Variants in ADCY3 observed in about 807,000 individuals in gnomAD.
ADCY3 encodes the protein adenylate cyclase 3, also known as adenylate cyclase type 3.
ADCY3 carries 70 observed loss-of-function variants against 119.4 expected under a neutral mutation model. The ratio of observed to expected loss-of-function variants is 0.59; its 90% CI spans 0.48 to 0.72. ADCY3 has a LOEUF of 0.72. Among genes scored for constraint, ADCY3 ranks in the 30% least tolerant of loss-of-function variants. The probability of loss-of-function intolerance (pLI) is 0.00; values close to 1 mark genes in which losing one functional copy is unlikely to be tolerated. For synonymous variants in ADCY3, 672 were observed against 621.4 expected (o/e 1.08, Z -1.21); for missense variants, 1,238 against 1,541.6 (o/e 0.80, Z 3.30).
At chr2:24,829,546 GA>G (rs1371195580) in intron 13 of ADCY3, among the ~76,000 whole-genome samples, 1 of 149,518 alleles carries the variant, frequency 6.7e-6, no homozygotes, top group Admixed American at 6.8e-5. Context: ...TCAGCCTCCT[GA>G]GTAGCTGGGA....
At chr2:24,903,669 C>G (rs140980670) in intron 2 of ADCY3, among the ~76,000 whole-genome samples, 2 of 151,580 alleles carry the variant, frequency 1.3e-5, no homozygotes, top group Non-Finnish European at 2.9e-5. Context: ...ATTAGGCCAT[C>G]GTGAAGGGAA....
intron 3 of ADCY3, among the ~76,000 whole-genome samples, chr2:24,870,779 G>A (rs1674895390): frequency 1.3e-5 from 2 of 152,204 alleles, no homozygotes; most frequent in South Asian, 4.1e-4. Context: ...ATGGCCCCGT[G>A]CACTCGGCCT....
chr2:24,824,321 A>G, intron 17 of ADCY3, 57 bp downstream of exon 17: 3 of 1,589,154 alleles, frequency 1.9e-6, no homozygotes, highest in Non-Finnish European at 1.7e-6. Flanking sequence ...TGCCTGAAAG[A>G]AAGAACAGAT....
intron 15 of ADCY3, among the ~76,000 whole-genome samples, chr2:24,827,294 C>T (rs1000708058): frequency 4.6e-5 from 7 of 152,162 alleles, no homozygotes; most frequent in Non-Finnish European, 8.8e-5. Context: ...GTCTTCCTCC[C>T]TCCTCATTTT....
intron 2 of ADCY3, among the ~76,000 whole-genome samples, chr2:24,897,475 C>T (rs1050430880): frequency 2.6e-5 from 4 of 152,166 alleles, no homozygotes; most frequent in African/African-American, 9.7e-5. Flanking sequence ...GCCTGTGTGT[C>T]CCTGAGAAAG....
At chr2:24,901,236 C>T (rs888372123) in intron 2 of ADCY3, among the ~76,000 whole-genome samples, 2 of 152,136 alleles carry the variant, frequency 1.3e-5, no homozygotes, top group African/African-American at 4.8e-5. Flanking sequence ...TTACACGTGC[C>T]GCAGGCAAGC....
intron 2 of ADCY3, among the ~76,000 whole-genome samples, chr2:24,915,961 TCA>T (rs1434751218): frequency 1.3e-5 from 2 of 152,118 alleles, no homozygotes; most frequent in East Asian, 3.9e-4. Flanking sequence ...AACCAGTGAC[TCA>T]GAAGCTTCTG....
At chr2:24,901,667 G>T (rs1678909352) in intron 2 of ADCY3, among the ~76,000 whole-genome samples, 1 of 151,960 alleles carries the variant, frequency 6.6e-6, no homozygotes, top group Non-Finnish European at 1.5e-5. Context: ...GGCCATAGGA[G>T]GGGGTGGTGG....
chr2:24,825,953 T>G, intron 16 of ADCY3, 92 bp downstream of exon 16: 8 of 1,258,410 alleles, frequency 6.4e-6, no homozygotes, highest in Non-Finnish European at 9.2e-6. Context: ...GCCCCATTCC[T>G]TAGGAGCTTG....
chr2:24,873,055 A>G (rs1007139609), intron 2 of ADCY3, among the ~76,000 whole-genome samples: 7 of 152,182 alleles, frequency 4.6e-5, no homozygotes, highest in African/African-American at 1.7e-4. Flanking sequence ...CAGTCCCTCC[A>G]CCTGTGACGC....
chr2:24,903,190 T>C (rs1679111214), intron 2 of ADCY3, among the ~76,000 whole-genome samples: 1 of 151,808 alleles, frequency 6.6e-6, no homozygotes, highest in Non-Finnish European at 1.5e-5. Flanking sequence ...ATGTTGACTG[T>C]GTGGGGGGCA....
chr2:24,820,255 C>A, intron 21 of ADCY3, 141 bp from the exon 22 acceptor site: 1 of 1,198,354 alleles, frequency 8.3e-7, no homozygotes, highest in East Asian at 2.9e-5. Context: ...CTCCCAGGGC[C>A]AAGCCCTTCC....
At chr2:24,833,957 A>AG (rs1669950286) in intron 11 of ADCY3, among the ~76,000 whole-genome samples, 1 of 152,044 alleles carries the variant, frequency 6.6e-6, no homozygotes, top group Admixed American at 6.5e-5. Flanking sequence ...GAGGGGAGAA[A>AG]GGGAGAACAA....
chr2:24,904,308 G>A (rs80119897), intron 2 of ADCY3, among the ~76,000 whole-genome samples: 4,447 of 152,198 alleles, frequency 0.029, 95 homozygotes, highest in African/African-American at 0.055. Context: ...AATGGGCAGA[G>A]AACTTGAGAT....
chr2:24,869,196 A>G (rs1674672685), intron 3 of ADCY3, among the ~76,000 whole-genome samples: 1 of 152,208 alleles, frequency 6.6e-6, no homozygotes, highest in Non-Finnish European at 1.5e-5. Context: ...TACCCATTTC[A>G]GACAAAAGAT....
chr2:24,830,274 C>T (rs566650510), intron 13 of ADCY3, among the ~76,000 whole-genome samples: 11 of 151,978 alleles, frequency 7.2e-5, no homozygotes, highest in Non-Finnish European at 4.4e-5. Flanking sequence ...CTCCTGACCT[C>T]GTGATCCGCC....
At chr2:24,848,118 C>G (rs1671864477) in intron 3 of ADCY3, among the ~76,000 whole-genome samples, 1 of 152,246 alleles carries the variant, frequency 6.6e-6, no homozygotes, top group Non-Finnish European at 1.5e-5. Context: ...TGGCCATAAA[C>G]AAAATCTCTG....
intron 3 of ADCY3, among the ~76,000 whole-genome samples, chr2:24,848,848 G>C (rs1013473231): frequency 1.3e-5 from 2 of 152,198 alleles, no homozygotes; most frequent in Admixed American, 6.5e-5. Context: ...ATGTGCCAGG[G>C]TCAGCACAAA....
At chr2:24,827,835 T>C (rs1387882791) in intron 14 of ADCY3, 67 bp downstream of exon 14, 1 of 1,599,142 alleles carries the variant, frequency 6.3e-7, no homozygotes, top group Admixed American at 1.7e-5. Flanking sequence ...GCCCATGAGC[T>C]TGAACTGAGG....
Sources: gnomAD v4.1 joint callset for allele counts (sites outside exome capture counted in the v4.1 genomes callset) on GRCh38, gnomAD v4.1.1 for gene constraint, MANE v1.5 for transcripts, NCBI Gene and HGNC (gene_info 2026-07-23, HGNC 2026-07-21) for gene names.